Variants in GPHN observed in about 807,000 individuals in gnomAD.
The protein encoded by GPHN is gephyrin.
Under a neutral mutation model 95.5 loss-of-function variants are expected in GPHN, and 17 were observed. The ratio of observed to expected loss-of-function variants is 0.18; its 90% CI spans 0.12 to 0.27. The LOEUF (loss-of-function observed/expected upper bound fraction) is 0.27, where lower values mean the gene tolerates loss of function less well. Ranked by LOEUF, GPHN falls within the 10% of genes least tolerant of loss-of-function variation. GPHN has a pLI of 1.00. For synonymous variants in GPHN, 320 were observed against 322.5 expected, an observed-to-expected ratio of 0.99 and a Z score of 0.08; for missense variants, 660 against 978.1, an observed-to-expected ratio of 0.67 and a Z score of 4.34.
At chr14:67,658,900 C>T in the GPHN span, among the ~76,000 whole-genome samples, 3 of 152,176 alleles carry the variant, frequency 2.0e-5, no homozygotes, top group Non-Finnish European at 2.9e-5. Flanking sequence ...CAGGATGCAT[C>T]GTGAAACAGG....
Position 67,112,811 on chromosome 14 carries a change from A to G in GPHN, c.1473-207A>G, listed in dbSNP as rs1332653601. On this transcript the variant is annotated intron_variant, in intron 15 of 22. Coordinates refer to ENST00000478722, the MANE Select transcript of GPHN (RefSeq NM_020806.5). ...TTTAGCAGTAATACATTCAAATCCT[A>G]TTTCTGTTTTCTGTTGTGTGATTTA... Among the ~76,000 whole-genome samples, 4 of 152,320 alleles carry G rather than the reference A, an allele frequency of 2.6e-5. No homozygotes were observed. The East Asian group carries it at 5.8e-4, about 22-fold the overall frequency.
chr14:66,623,703 C>T (rs1446377318), intron 1 of GPHN, among the ~76,000 whole-genome samples: 1 of 151,784 alleles, frequency 6.6e-6, no homozygotes, highest in Non-Finnish European at 1.5e-5. Flanking sequence ...CCTGCCATCC[C>T]CCCTTTACCC....
At chr14:66,946,248 C>T (rs868567433) in intron 8 of GPHN, among the ~76,000 whole-genome samples, 38 of 151,772 alleles carry the variant, frequency 2.5e-4, no homozygotes, top group African/African-American at 7.8e-4. Flanking sequence ...TACCCAAATA[C>T]GTAATAAAGT....
intron 2 of GPHN, among the ~76,000 whole-genome samples, chr14:66,702,293 A>G (rs1371382534): frequency 2.6e-5 from 4 of 152,134 alleles, no homozygotes; most frequent in Admixed American, 2.6e-4. Flanking sequence ...CCAAGGGACA[A>G]TCTAAGTACT....
At chr14:67,465,064 G>A in the GPHN span, among the ~76,000 whole-genome samples, 1 of 152,222 alleles carries the variant, frequency 6.6e-6, no homozygotes, top group Non-Finnish European at 1.5e-5. Flanking sequence ...GGAGGTCCTG[G>A]TGCACAGCAG....
intron 19 of GPHN, among the ~76,000 whole-genome samples, chr14:67,161,586 C>G (rs2081985029): frequency 6.6e-6 from 1 of 152,016 alleles, no homozygotes; most frequent in Non-Finnish European, 1.5e-5. Context: ...CATGGCAAAA[C>G]CCCGTCTCTA....
intron 17 of GPHN, among the ~76,000 whole-genome samples, chr14:67,129,155 A>AT: frequency 6.6e-6 from 1 of 151,748 alleles, no homozygotes; most frequent in South Asian, 2.1e-4. Flanking sequence ...ATACTTGAAT[A>AT]TTTTTACCCT....
intron 5 of GPHN, among the ~76,000 whole-genome samples, chr14:66,913,351 G>GT: frequency 6.6e-6 from 1 of 151,584 alleles, no homozygotes; most frequent in Non-Finnish European, 1.5e-5. Flanking sequence ...GTTTTGTTTT[G>GT]TTTTTTTGAG....
chr14:67,710,044 C>T, the GPHN span, among the ~76,000 whole-genome samples: 1 of 152,152 alleles, frequency 6.6e-6, no homozygotes, highest in Non-Finnish European at 1.5e-5. Context: ...CTGGAAGCTC[C>T]CTCCCCACTT....
intron 9 of GPHN, among the ~76,000 whole-genome samples, chr14:66,972,526 A>T (rs768513699): frequency 2.0e-5 from 3 of 151,992 alleles, no homozygotes; most frequent in African/African-American, 7.2e-5. Flanking sequence ...TCCTTGAGAC[A>T]ACCACCATCC....
At chr14:67,098,504 C>T (rs2077513976) in intron 12 of GPHN, among the ~76,000 whole-genome samples, 1 of 151,688 alleles carries the variant, frequency 6.6e-6, no homozygotes, top group Non-Finnish European at 1.5e-5. Context: ...CCCCCTTGTG[C>T]AGGAAGTAAA....
intron 3 of GPHN, among the ~76,000 whole-genome samples, chr14:66,809,305 C>T (rs1266793371): frequency 6.6e-6 from 1 of 152,088 alleles, no homozygotes; most frequent in African/African-American, 2.4e-5. Context: ...ACAGGCTCTG[C>T]TCCTTAATAG....
intron 2 of GPHN, among the ~76,000 whole-genome samples, chr14:66,753,068 C>A (rs543024170): frequency 2.2e-4 from 33 of 152,034 alleles, no homozygotes; most frequent in Non-Finnish European, 4.1e-4. Flanking sequence ...ATGGTAGATT[C>A]TGTTATTGGC....
At chr14:67,065,376 G>A (rs1012155046) in intron 11 of GPHN, among the ~76,000 whole-genome samples, 6 of 152,154 alleles carry the variant, frequency 3.9e-5, no homozygotes, top group Non-Finnish European at 5.9e-5. Context: ...TTTAGAATAC[G>A]TGCAATGTGG....
chr14:67,196,146 A>C, the GPHN span, among the ~76,000 whole-genome samples: 3 of 151,896 alleles, frequency 2.0e-5, no homozygotes, highest in African/African-American at 7.3e-5. Flanking sequence ...TCTAGTCTTT[A>C]GGACCTTCTT....
At chr14:67,136,040 G>A (rs1258166673) in intron 17 of GPHN, among the ~76,000 whole-genome samples, 1 of 152,190 alleles carries the variant, frequency 6.6e-6, no homozygotes, top group African/African-American at 2.4e-5. Flanking sequence ...TGTCATAATT[G>A]AATCTGTATT....
At chr14:67,320,214 CTT>C in the GPHN span, 1 of 1,597,960 alleles carries the variant, frequency 6.3e-7, no homozygotes, top group Non-Finnish European at 8.5e-7. Flanking sequence ...AAGAGCTTAA[CTT>C]TTTTTTCCCA....
chr14:66,833,779 C>T (rs1005289248), intron 4 of GPHN, among the ~76,000 whole-genome samples: 3 of 151,950 alleles, frequency 2.0e-5, no homozygotes, highest in African/African-American at 4.8e-5. Context: ...GATTTGTTGT[C>T]TGGAAACCTT....
chr14:67,650,296 C>G, the GPHN span: 1 of 225,422 alleles, frequency 4.4e-6, no homozygotes, highest in Non-Finnish European at 8.8e-6. Context: ...GTGCAAGTGG[C>G]AGATTTCCTC....
Sources: gnomAD v4.1 joint callset for allele counts (sites outside exome capture counted in the v4.1 genomes callset) on GRCh38, gnomAD v4.1.1 for gene constraint, MANE v1.5 for transcripts, NCBI Gene and HGNC (gene_info 2026-07-23, HGNC 2026-07-21) for gene names.